The following MYH3 variants were observed in gnomAD, a reference collection of about 807,000 sequenced individuals.
The protein encoded by MYH3 is myosin heavy chain 3.
Under a neutral mutation model 238.0 loss-of-function variants are expected in MYH3, and 130 were observed. That is an observed-to-expected ratio of 0.55 (90% CI 0.47 to 0.63). MYH3 has a LOEUF of 0.63. Among genes scored for constraint, MYH3 ranks in the 30% least tolerant of loss-of-function variants. The pLI is 0.00. For missense variants in MYH3, 1,853 were observed against 2,374.9 expected (o/e 0.78, Z 4.57); for synonymous variants, 880 against 924.1 (o/e 0.95, Z 0.86).
rs572508358 is a variant in MYH3, at chr17:10,648,950, C to T, written c.643-301G>A. 2.6e-5 allele frequency among the ~76,000 whole-genome samples: 4 copies of T among 152,270 alleles called. No homozygotes were observed. In the East Asian group the frequency reaches 7.7e-4, roughly 29 times the overall value. ...TCGGCCTCCCAAAGTGCTGGGATTA[C>T]AGGCGTGAGCCACCGAGCCCAGCCT... On this transcript the variant is annotated intron_variant, in intron 7 of 40. Transcript: ENST00000583535.
Position 10,642,619 on chromosome 17 carries a change from G to A in MYH3, c.1686C>T (p.Asn562=). The A allele has an allele frequency of 1.2e-6, 2 of 1,614,236 alleles. No homozygotes were observed. The highest frequency in any genetic ancestry group is 1.7e-6 in the Non-Finnish European group (2 of 1,180,044). Reference sequence around the variant, plus strand: ...TGACCACCTTGGGCTTCTGGAAGTTGTTGGACTTTCCAAGATGCTGGTCAT... The same window carrying A: ...TGACCACCTTGGGCTTCTGGAAGTTATTGGACTTTCCAAGATGCTGGTCAT... ...KLYDQHLGKS[N]NFQKPKVVKG... The change falls in exon 16 of 41, where the codon AAC becomes AAT. Residue 562 remains asparagine (N), a synonymous_variant. Coordinates refer to ENST00000583535, the MANE Select transcript of MYH3 (RefSeq NM_002470.4). The surrounding 1 kb of genome is among the most constrained non-coding windows in gnomAD (Gnocchi z 5.4).
chr17:10,636,748 T>C (rs1190620214), intron 28 of MYH3, among the ~76,000 whole-genome samples: 1 of 152,040 alleles, frequency 6.6e-6, no homozygotes, highest in African/African-American at 2.4e-5. Context: ...ACCCTGTCTC[T>C]ACTAAAAATA....
rs369338588 is a variant in MYH3 at position 10,636,531 on chromosome 17, A to G, written c.3857-678T>C. On this transcript the variant is annotated intron_variant, in intron 28 of 40. Coordinates refer to ENST00000583535, the MANE Select transcript of MYH3 (RefSeq NM_002470.4). ...AGTTAGACTCTTGGGGGAATAGGGTAAGTTCAAGTTTATATGCTTACATAG... is the reference window on the plus strand; with the variant it reads ...AGTTAGACTCTTGGGGGAATAGGGTGAGTTCAAGTTTATATGCTTACATAG... Among the ~76,000 whole-genome samples the G allele has an allele frequency of 1.6e-4, 25 of 152,310 alleles. 1 individual carries two copies. In the East Asian group the frequency reaches 2.9e-3, roughly 18 times the overall value.
intron 17 of MYH3, among the ~76,000 whole-genome samples, 165 bp from the exon 18 acceptor site, chr17:10,641,537 C>CG (rs2074272818): frequency 2.4e-5 from 3 of 124,758 alleles, no homozygotes; most frequent in Non-Finnish European, 4.7e-5. Flanking sequence ...TTTTTTGAGA[C>CG]GGAGTCTCGC....
At chr17:10,650,058 G>A (rs1222757337) in intron 6 of MYH3, among the ~76,000 whole-genome samples, 4 of 152,048 alleles carry the variant, frequency 2.6e-5, no homozygotes, top group Non-Finnish European at 2.9e-5. Context: ...TGCAAGCTCC[G>A]GCTCCTGGGT....
At chr17:10,651,731 CTTT>C in intron 4 of MYH3, 63 bp from the exon 5 acceptor site, 3 of 1,531,814 alleles carry the variant, frequency 2.0e-6, no homozygotes, top group Non-Finnish European at 2.6e-6. Flanking sequence ...AACCCCTTGC[CTTT>C]ATTATTATTA....
chr17:10,632,545 C>T lies in MYH3; in HGVS notation c.4887G>A (p.Gln1629=). The T allele has an allele frequency of 6.2e-7, 1 of 1,614,184 alleles. No individual in the cohort carries two copies. The highest frequency in any genetic ancestry group is 1.3e-5 in the African/African-American group (1 of 75,056). The change falls in exon 34 of 41, where the codon CAG becomes CAA. Residue 1629 remains glutamine (Q), a synonymous_variant. Transcript: ENST00000583535. ...MEGDLNEIEI[Q]LSHANRQAAE... ...CCGCCTGGCGGTTGGCGTGGCTCAG[C>T]TGGATCTCGATTTCATTCAGGTCCC...
chr17:10,640,078 G>A lies in MYH3; in HGVS notation c.2600C>T (p.Ser867Leu), dbSNP rs777604042. ...FQKTKDELAK[S>L]EAKRKELEEK... ...CTCTAGCTCCTTCCTTTTTGCCTCC[G>A]ACTTGGCGAGTTCATCTTTGGTTTT... The change falls in exon 22 of 41, where the codon TCG becomes TTG. Residue 867 changes from serine to leucine, a missense_variant. Coordinates refer to ENST00000583535, the MANE Select transcript of MYH3 (RefSeq NM_002470.4). The A allele has an allele frequency of 2.0e-5, 32 of 1,613,688 alleles. No homozygotes were observed. The highest frequency in any genetic ancestry group is 6.7e-5 in the Admixed American group (4 of 59,968).
intron 30 of MYH3, among the ~76,000 whole-genome samples, 157 bp from the exon 31 acceptor site, chr17:10,635,180 A>G (rs1321655674): frequency 6.6e-6 from 1 of 152,174 alleles, no homozygotes; most frequent in Non-Finnish European, 1.5e-5. Context: ...TCTGGGATCA[A>G]TAACTTGCCT....
At chr17:10,655,673 A>G (rs2074421854) in intron 2 of MYH3, among the ~76,000 whole-genome samples, 1 of 150,514 alleles carries the variant, frequency 6.6e-6, no homozygotes, top group African/African-American at 2.4e-5. Flanking sequence ...TTTTTTTTTG[A>G]GATGGAGTCT....
rs61735358 is a variant in MYH3 at position 10,638,180 on chromosome 17, C to T, written c.3592G>A (p.Ala1198Thr). ...TCCCCAAGCTCGGCCACACTATCCG[C>T]ATGCTTCTTCCTCAGCGCGGCCACC... ...AMVAALRKKH[A>T]DSVAELGEQI... is the part of the protein sequence containing the mutation. The change falls in exon 27 of 41, where the codon GCG (alanine) becomes ACG (threonine). Residue 1198 changes from alanine (A) to threonine (T), a missense_variant. Around this residue, in one of 3 missense-constraint regions of MYH3, gnomAD observed 1,044 missense variants for 1,192.6 expected, o/e 0.88. Coordinates refer to ENST00000583535, the MANE Select transcript of MYH3 (RefSeq NM_002470.4). 13,410 of 1,613,956 alleles carry T rather than the reference C, an allele frequency of 8.3e-3. 76 individuals carry two copies. The highest frequency in any genetic ancestry group is 0.01 in the Non-Finnish European group (11,932 of 1,180,012).
chr17:10,651,390 C>G (rs2074373012), intron 5 of MYH3, 122 bp downstream of exon 5: 1 of 1,566,720 alleles, frequency 6.4e-7, no homozygotes, highest in African/African-American at 1.4e-5. Flanking sequence ...CTTTTGGCTC[C>G]TTCTTCCTCC....
the MYH3 span, among the ~76,000 whole-genome samples, chr17:10,671,572 ATTTTTTTTT>A: frequency 2.4e-5 from 2 of 82,308 alleles, no homozygotes; most frequent in African/African-American, 9.9e-5. Flanking sequence ...TCTCAGGGTC[ATTTTTTTTT>A]TTTTTTTTTT....
intron 26 of MYH3, 135 bp from the exon 27 acceptor site, chr17:10,638,567 C>A: frequency 8.0e-7 from 1 of 1,256,636 alleles, no homozygotes; most frequent in Admixed American, 2.2e-5. Context: ...TGCAAATTTC[C>A]TTTCACAGGA....
the MYH3 span, among the ~76,000 whole-genome samples, chr17:10,663,264 T>C: frequency 6.6e-6 from 1 of 152,118 alleles, no homozygotes; most frequent in South Asian, 2.1e-4. Flanking sequence ...GGCAGACATA[T>C]TCCTCCAAAT....
intron 8 of MYH3, 40 bp from the exon 9 acceptor site, chr17:10,647,466 A>C: frequency 6.3e-7 from 1 of 1,597,876 alleles, no homozygotes; most frequent in Non-Finnish European, 8.6e-7. Flanking sequence ...AGATTCTACC[A>C]TGGCCCAATA....
the MYH3 span, among the ~76,000 whole-genome samples, chr17:10,669,721 T>C: frequency 6.8e-3 from 1,033 of 152,094 alleles, 8 homozygotes; most frequent in African/African-American, 0.023. Flanking sequence ...CCTGGCAACA[T>C]AGCCAGACCC....
chr17:10,674,470 G>T, the MYH3 span: 1 of 264,388 alleles, frequency 3.8e-6, no homozygotes, highest in South Asian at 3.7e-5. Flanking sequence ...TGTGATTGAG[G>T]AGAGCTGGAG....
rs745844282 is a variant in MYH3, at chr17:10,638,023, AC to A, written c.3729+19del. The A allele has an allele frequency of 3.1e-6, 5 of 1,610,522 alleles. No individual in the cohort carries two copies. The East Asian group carries it at 6.7e-5, about 22-fold the overall frequency. On this transcript the variant is annotated intron_variant, in intron 27 of 40. Coordinates refer to ENST00000583535, the MANE Select transcript of MYH3 (RefSeq NM_002470.4). ...TGTGTCTGATGGAAAGCCTTGAGCC[AC>A]CCCCACCCCGCGCAGCACCTTAGAT...
Sources: gnomAD v4.1 joint callset for allele counts (sites outside exome capture counted in the v4.1 genomes callset) on GRCh38, gnomAD v4.1.1 for gene constraint, gnomAD v4.1.1 regional missense constraint, Gnocchi (gnomAD v3.1) non-coding constraint, MANE v1.5 for transcripts, NCBI Gene and HGNC (gene_info 2026-07-23, HGNC 2026-07-21) for gene names.